NF1: variants seen among roughly 807,000 people sequenced by gnomAD.
The protein encoded by NF1 is neurofibromin.
In NF1, 122 loss-of-function variants were observed where a neutral mutation model predicts 325.7. That is an observed-to-expected ratio of 0.37 (90% CI 0.32 to 0.44). NF1 has a LOEUF of 0.44. NF1 is among the 20% of genes least tolerant of loss of function. NF1 has a pLI of 1.00. For missense variants in NF1, 2,140 were observed against 3,415.4 expected, an observed-to-expected ratio of 0.63 and a Z score of 9.31; for synonymous variants, 1,091 against 1,186.0, an observed-to-expected ratio of 0.92 and a Z score of 1.65.
chr17:31,192,514 A>T (rs902620888), intron 8 of NF1, among the ~76,000 whole-genome samples: 4 of 152,170 alleles, frequency 2.6e-5, no homozygotes, highest in Non-Finnish European at 5.9e-5. Flanking sequence ...GATTGTGGAG[A>T]CCAGATTTTG....
intron 36 of NF1, among the ~76,000 whole-genome samples, chr17:31,320,723 T>G (rs943832539): frequency 2.0e-5 from 3 of 152,200 alleles, no homozygotes; most frequent in Non-Finnish European, 4.4e-5. Context: ...TTTTGTATAA[T>G]AGTGTTCAGC....
intron 36 of NF1, among the ~76,000 whole-genome samples, chr17:31,322,422 G>C (rs1344991141): frequency 2.8e-5 from 4 of 140,754 alleles, no homozygotes; most frequent in Non-Finnish European, 4.5e-5. Context: ...GGAGGCTGCA[G>C]AGATCATGAG....
intron 1 of NF1, among the ~76,000 whole-genome samples, chr17:31,145,736 A>G (rs1916540725): frequency 6.6e-6 from 1 of 152,182 alleles, no homozygotes; most frequent in South Asian, 2.1e-4. Context: ...GGAGGCCAAA[A>G]TATATTTTAA....
intron 48 of NF1, among the ~76,000 whole-genome samples, chr17:31,344,697 C>A (rs573089751): frequency 1.3e-5 from 2 of 152,294 alleles, no homozygotes; most frequent in African/African-American, 4.8e-5. Flanking sequence ...GGGGATTTCT[C>A]AAAAAATACT....
chr17:31,353,154 C>T (rs1294082969), intron 51 of NF1, among the ~76,000 whole-genome samples: 1 of 152,108 alleles, frequency 6.6e-6, no homozygotes, highest in Non-Finnish European at 1.5e-5. Context: ...GGTGATACAC[C>T]CTCCTCGGCC....
In NF1 at chr17:31,318,075, CTTAG is replaced by C. The variant is rs989219059; in HGVS notation, c.4836-7741_4836-7738del. On this transcript the variant is annotated intron_variant, in intron 36 of 57. Transcript: ENST00000358273. Reference sequence around the variant, plus strand: ...TTATCCTTAAAATTTTCCTCAAATGCTTAGTTATTTTATTATTTGCTTTTTAAAA... The same window carrying C: ...TTATCCTTAAAATTTTCCTCAAATGCTTATTTTATTATTTGCTTTTTAAAA... 15 of 478,204 alleles carry C rather than the reference CTTAG, an allele frequency of 3.1e-5. 1 individual carries two copies. The highest frequency in any genetic ancestry group is 5.6e-4 in the Middle Eastern group (1 of 1,794). The allele number at this position is 478,204 out of a possible 1,614,324, so 29.6% of individuals were successfully genotyped here.
intron 27 of NF1, 44 bp from the exon 28 acceptor site, chr17:31,235,567 A>T (rs769606085): frequency 5.6e-6 from 9 of 1,611,486 alleles, no homozygotes; most frequent in Non-Finnish European, 7.6e-6. Flanking sequence ...CCTAAGAATA[A>T]AAATGGGATT....
chr17:31,228,473 T>G (rs1263909990), intron 20 of NF1, among the ~76,000 whole-genome samples: 1 of 152,168 alleles, frequency 6.6e-6, no homozygotes, highest in Non-Finnish European at 1.5e-5. Context: ...GTTCACCCAT[T>G]TAAAGTGTCC....
chr17:31,217,227 G>A lies in NF1; in HGVS notation c.1528-1778G>A, dbSNP rs551815563. Among the ~76,000 whole-genome samples the A allele has an allele frequency of 1.1e-4, 16 of 152,114 alleles. No homozygotes were observed. The East Asian group carries it at 3.1e-3, about 29-fold the overall frequency. Reference sequence around the variant, plus strand: ...TGAATTACAGATATATTGCAGTGAGGGCTTACCTTAGTCATTATAATGGGG... The same window carrying A: ...TGAATTACAGATATATTGCAGTGAGAGCTTACCTTAGTCATTATAATGGGG... On this transcript the variant is annotated intron_variant, in intron 13 of 57. Coordinates refer to ENST00000358273, the MANE Select transcript of NF1 (RefSeq NM_001042492.3).
intron 16 of NF1, among the ~76,000 whole-genome samples, chr17:31,224,767 T>C (rs2066983690): frequency 6.6e-6 from 1 of 152,150 alleles, no homozygotes; most frequent in Non-Finnish European, 1.5e-5. Context: ...GGAAAAAAAA[T>C]CTTTGTCATT....
rs754412829 is a variant in NF1 at position 31,225,072 on chromosome 17, CTTAT to C, written c.1846-12_1846-9del. 24 of 1,611,988 alleles carry C rather than the reference CTTAT, an allele frequency of 1.5e-5. No homozygotes were observed. Among genetic ancestry groups the C allele is most frequent in the African/African-American group, 2.7e-5 (2 of 74,798 alleles). ...CTTGGTTGTCAGTGCTTCAGTAAAG[CTTAT>C]TTATTTATTTTTTTCTAGCAGGCAG... On this transcript the variant is annotated intron_variant, in intron 16 of 57. Coordinates refer to ENST00000358273, the MANE Select transcript of NF1 (RefSeq NM_001042492.3).
chr17:31,358,381 G>T, intron 54 of NF1, 99 bp from the exon 55 acceptor site: 1 of 1,246,128 alleles, frequency 8.0e-7, no homozygotes, highest in Non-Finnish European at 1.1e-6. Context: ...CTTTAATTTT[G>T]GCACATTATT....
chr17:31,283,733 C>T (rs1278302444), intron 36 of NF1, among the ~76,000 whole-genome samples: 2 of 152,222 alleles, frequency 1.3e-5, no homozygotes, highest in African/African-American at 2.4e-5. Flanking sequence ...CTCAAATGAT[C>T]CACCTTGGCG....
At chr17:31,227,709 C>G in intron 20 of NF1, 103 bp downstream of exon 20, 1 of 987,286 alleles carries the variant, frequency 1.0e-6, no homozygotes, top group Non-Finnish European at 1.6e-6. Context: ...AAACATATAG[C>G]TGTGTGAAGA....
intron 11 of NF1, among the ~76,000 whole-genome samples, chr17:31,205,948 T>G (rs2066611936): frequency 6.6e-6 from 1 of 151,966 alleles, no homozygotes; most frequent in African/African-American, 2.4e-5. Flanking sequence ...CTCTGAAGAC[T>G]TTATTTTTCA....
rs1183146446 is a variant in NF1 at position 31,268,067 on chromosome 17, GGCTATGCTCTTT to G, written c.4835+2730_4835+2741del. On this transcript the variant is annotated intron_variant, in intron 36 of 57. Coordinates refer to ENST00000358273, the MANE Select transcript of NF1 (RefSeq NM_001042492.3). ...ACTAGATGGCTGTGGTGCTGGAACT[GGCTATGCTCTTT>G]GACTGTCTCTCGGTTTTGTGTTCAA... 3.9e-5 allele frequency among the ~76,000 whole-genome samples: 6 copies of G among 152,264 alleles called. No homozygotes were observed. In the South Asian group the frequency reaches 1.2e-3, roughly 32 times the overall value.
intron 57 of NF1, among the ~76,000 whole-genome samples, chr17:31,371,890 C>T (rs1000944106): frequency 3.3e-5 from 5 of 152,144 alleles, no homozygotes; most frequent in Admixed American, 1.3e-4. Context: ...CACGTGTAAA[C>T]CAGGCCACGT....
At chr17:31,332,175 T>C (rs1427952125) in intron 39 of NF1, among the ~76,000 whole-genome samples, 1 of 151,446 alleles carries the variant, frequency 6.6e-6, no homozygotes, top group African/African-American at 2.4e-5. Flanking sequence ...ATGATTAATA[T>C]CCTTAATCGG....
At position 31,209,195 on chromosome 17, in the gene NF1, C is replaced by G. The variant is rs563353849; in HGVS notation, c.1392+2824C>G. On this transcript the variant is annotated intron_variant, in intron 12 of 57. Coordinates refer to ENST00000358273, the MANE Select transcript of NF1 (RefSeq NM_001042492.3). ...CCAGATGCCCCTTGGGGGACAAAATCACCCCCAGTTGAGAACTACTGTATT... is the reference window on the plus strand; with the variant it reads ...CCAGATGCCCCTTGGGGGACAAAATGACCCCCAGTTGAGAACTACTGTATT... 2.2e-3 allele frequency among the ~76,000 whole-genome samples: 339 copies of G among 152,310 alleles called. 1 individual carries two copies. Among genetic ancestry groups the G allele is most frequent in the African/African-American group, 6.8e-3 (284 of 41,558 alleles).
Sources: allele counts gnomAD v4.1 joint callset (sites outside exome capture counted in the v4.1 genomes callset), GRCh38; gene constraint gnomAD v4.1.1; transcripts MANE v1.5; gene names NCBI Gene and HGNC (gene_info 2026-07-23, HGNC 2026-07-21).